Variants in GPI observed in about 807,000 individuals in gnomAD.
GPI encodes the protein glucose-6-phosphate isomerase, also known as D-hexose-6-phosphate anomerase.
A neutral mutation model predicts 75.8 loss-of-function variants in GPI; 56 were observed. The observed-to-expected ratio is 0.74, with a 90% CI of 0.60 to 0.92. GPI has a LOEUF of 0.92. GPI is among the 40% of genes least tolerant of loss of function. The pLI, the probability that GPI is intolerant of heterozygous loss-of-function variation, is 0.00. For missense variants in GPI, 638 were observed against 741.0 expected, an observed-to-expected ratio of 0.86 and a Z score of 1.61; for synonymous variants, 288 against 285.4, an observed-to-expected ratio of 1.01 and a Z score of -0.09.
At chr19:34,366,114 G>C (rs1482054619) in intron 1 of GPI, 9 of 693,384 alleles carry the variant, frequency 1.3e-5, no homozygotes, top group Non-Finnish European at 2.1e-5. Flanking sequence ...TCCTCATCCA[G>C]GGTCTGCCTG....
intron 9 of GPI, among the ~76,000 whole-genome samples, chr19:34,388,966 G>A (rs1297262627): frequency 1.3e-5 from 2 of 151,980 alleles, no homozygotes; most frequent in African/African-American, 2.4e-5. Context: ...GGTGGTGTGT[G>A]CCTGTAGTCC....
Position 34,400,491 on chromosome 19 carries a change from G to A in GPI, c.*455G>A. 1.9e-6 allele frequency: 1 copy of A among 516,936 alleles called. No homozygotes were observed. The highest frequency in any genetic ancestry group is 3.4e-6 in the Non-Finnish European group (1 of 296,480). The allele number at this position is 516,936 out of a possible 1,614,324, so 32.0% of individuals were successfully genotyped here. ...AAGGTGCCCTGAGAAGACAATAGTGGGGTGGGGGCACAATCAGTCAGGACG... is the reference window on the plus strand; with the variant it reads ...AAGGTGCCCTGAGAAGACAATAGTGAGGTGGGGGCACAATCAGTCAGGACG... On this transcript the variant is annotated 3_prime_UTR_variant, in exon 18 of 18. Coordinates refer to ENST00000356487, the MANE Select transcript of GPI (RefSeq NM_000175.5).
In GPI at chr19:34,365,589, G is replaced by C. The variant is rs957171520; in HGVS notation, c.122+201G>C. ...GTTCCTGGGGGCTTGCAGCCTCGCC[G>C]GGAGTCTCGGCCCCGGGTCTGCTTC... On this transcript the variant is annotated intron_variant, in intron 1 of 17. Transcript: ENST00000356487. 12 of 887,048 alleles carry C rather than the reference G, an allele frequency of 1.4e-5. 1 individual carries two copies. In the South Asian group the frequency reaches 1.7e-4, roughly 13 times the overall value. 54.9% of individuals were successfully genotyped at this position (887,048 alleles called of 1,614,324 possible).
rs933929931 is a variant in GPI, at chr19:34,400,286, G to A, written c.*250G>A. 6 of 603,470 alleles carry A rather than the reference G, an allele frequency of 9.9e-6. No homozygotes were observed. The highest frequency in any genetic ancestry group is 2.8e-5 in the East Asian group (1 of 36,074). 37.4% of individuals were successfully genotyped at this position (603,470 alleles called of 1,614,324 possible). On this transcript the variant is annotated 3_prime_UTR_variant, in exon 18 of 18. Coordinates refer to ENST00000356487, the MANE Select transcript of GPI (RefSeq NM_000175.5). Reference sequence around the variant, plus strand: ...GCTGACTTTTCTGACCCATGTTCACGTTGTTCACATCCCATGTAGAAAAAT... The same window carrying A: ...GCTGACTTTTCTGACCCATGTTCACATTGTTCACATCCCATGTAGAAAAAT...
chr19:34,396,041 C>T (rs996074202), intron 12 of GPI, among the ~76,000 whole-genome samples: 6 of 150,776 alleles, frequency 4.0e-5, no homozygotes, highest in Non-Finnish European at 7.4e-5. Flanking sequence ...CGGGTTCAAG[C>T]GATTCTCCTG....
In GPI at chr19:34,396,632, C is replaced by G; in HGVS notation, c.1244C>G (p.Pro415Arg). Residue 415 changes from proline to arginine, a missense_variant, in exon 14 of 18, where the codon CCC (proline) becomes CGC (arginine). Physicochemically the swap from Pro to Arg is moderately radical, Grantham distance 103 (BLOSUM62 -2). Transcript: ENST00000356487. ...CTCATCCCGGTCCAGACCCAGCACC[C>G]CATACGGAAGGGTCTGCATCACAAG... ...DFLIPVQTQHPIRKGLHHKIL... is the reference protein window; with the variant it reads ...DFLIPVQTQHRIRKGLHHKIL... The G allele has an allele frequency of 3.1e-6, 5 of 1,614,166 alleles. No individual in the cohort carries two copies. The highest frequency in any genetic ancestry group is 4.2e-6 in the Non-Finnish European group (5 of 1,179,994).
intron 3 of GPI, among the ~76,000 whole-genome samples, chr19:34,368,196 C>T (rs1172519540): frequency 6.6e-6 from 1 of 152,242 alleles, no homozygotes. Context: ...TCCGGGATTA[C>T]AGGCGTGAGC....
At position 34,378,971 on chromosome 19, in the gene GPI, C is replaced by T. The variant is rs61754634; in HGVS notation, c.671C>T (p.Thr224Met). The T allele has an allele frequency of 1.1e-5, 18 of 1,614,164 alleles. No homozygotes were observed. Among genetic ancestry groups the T allele is most frequent in the African/African-American group, 9.3e-5 (7 of 75,038 alleles). The change falls in exon 7 of 18, where the codon ACG (threonine) becomes ATG (methionine). Residue 224 changes from threonine to methionine, a missense_variant. Coordinates refer to ENST00000356487, the MANE Select transcript of GPI (RefSeq NM_000175.5). Reference sequence around the variant, plus strand: ...CAGGAGACCATCACGAATGCAGAGACGGCGAAGGAGTGGTTTCTCCAGGCG... The same window carrying T: ...CAGGAGACCATCACGAATGCAGAGATGGCGAAGGAGTGGTTTCTCCAGGCG... ...TTQETITNAETAKEWFLQAAK... is the reference protein window; with the variant it reads ...TTQETITNAEMAKEWFLQAAK...
chr19:34,387,337 TA>T (rs1239227301), intron 9 of GPI, among the ~76,000 whole-genome samples: 4 of 152,142 alleles, frequency 2.6e-5, no homozygotes, highest in African/African-American at 9.7e-5. Context: ...TCAGTGCTGG[TA>T]TGTTTACCTG....
At position 34,392,939 on chromosome 19, in the gene GPI, G is replaced by A. The variant is rs1176235316; in HGVS notation, c.805-309G>A. 4 of 443,496 alleles carry A rather than the reference G, an allele frequency of 9.0e-6. No homozygotes were observed. In the Admixed American group the frequency reaches 1.0e-4, roughly 12 times the overall value. 27.5% of individuals were successfully genotyped at this position (443,496 alleles called of 1,614,324 possible). ...AGGCCCTGGGTGTGTCCGTGTCTGA[G>A]GAGGTGGGCCCTGGCACAGGTATGA... On this transcript the variant is annotated intron_variant, in intron 9 of 17. Coordinates refer to ENST00000356487, the MANE Select transcript of GPI (RefSeq NM_000175.5).
chr19:34,379,923 A>T (rs1306338952), intron 8 of GPI: 3 of 351,624 alleles, frequency 8.5e-6, no homozygotes, highest in Non-Finnish European at 1.6e-5. Context: ...TCCATTTTTC[A>T]CTTAAGGACA....
intron 8 of GPI, chr19:34,379,990 G>GTTTTTTTTTTTTTTTTTT (rs953154032): frequency 9.8e-6 from 1 of 102,004 alleles, no homozygotes; most frequent in Admixed American, 1.0e-4. Context: ...GTGTGGTTTT[G>GTTTTTTTTTTTTTTTTTT]TTTTTTTTTT....
intron 4 of GPI, among the ~76,000 whole-genome samples, chr19:34,374,984 T>A (rs192865106): frequency 6.6e-6 from 1 of 152,152 alleles, no homozygotes; most frequent in Admixed American, 6.6e-5. Flanking sequence ...TGCCTCAGTT[T>A]CCCAGTAAGT....
chr19:34,366,836 G>A lies in GPI; in HGVS notation c.267G>A (p.Lys89=). 2 of 1,613,210 alleles carry A rather than the reference G, an allele frequency of 1.2e-6. No individual in the cohort carries two copies. The highest frequency in any genetic ancestry group is 1.7e-6 in the Non-Finnish European group (2 of 1,179,212). The part of the protein sequence containing the change: ...AARERMFNGE[K]INYTEGRAVL... Reference sequence around the variant, plus strand: ...GGGAGCGGATGTTCAATGGTGAGAAGATCAACTACACCGAGGTGAGCAGGC... The same window carrying A: ...GGGAGCGGATGTTCAATGGTGAGAAAATCAACTACACCGAGGTGAGCAGGC... Residue 89 remains lysine, a synonymous_variant, in exon 3 of 18, where the codon AAG becomes AAA. Transcript: ENST00000356487.
intron 4 of GPI, 45 bp downstream of exon 4, chr19:34,368,747 G>A (rs1441281314): frequency 6.2e-7 from 1 of 1,613,058 alleles, no homozygotes; most frequent in Non-Finnish European, 8.5e-7. Flanking sequence ...GTGTGTGTGA[G>A]TTATTTGGGA....
intron 4 of GPI, among the ~76,000 whole-genome samples, 157 bp from the exon 5 acceptor site, chr19:34,377,332 AAAAAATATATATAT>A (rs2074557854): frequency 1.6e-5 from 1 of 62,870 alleles, no homozygotes; most frequent in Non-Finnish European, 2.6e-5. Context: ...AAAAAAAAAA[AAAAAATATATATAT>A]ATATATATAT....
chr19:34,367,832 G>C (rs931790343), intron 3 of GPI, among the ~76,000 whole-genome samples: 1 of 152,218 alleles, frequency 6.6e-6, no homozygotes, highest in East Asian at 1.9e-4. Context: ...TGAGGACACT[G>C]CCTAAAACGT....
rs536687783 is a variant in GPI, at chr19:34,377,775, C to T, written c.527C>T (p.Ser176Leu). ...ACTGAAGCCCTTAAGCCATACTCTT[C>T]AGGAGGTCCCCGCGTCTGGTATGTC... ...MVTEALKPYS[S>L]GGPRVWYVSN... Residue 176 changes from serine to leucine, a missense_variant, in exon 6 of 18, where the codon TCA becomes TTA. Transcript: ENST00000356487. 1.1e-5 allele frequency: 18 copies of T among 1,613,874 alleles called. No homozygotes were observed. The highest frequency in any genetic ancestry group is 1.4e-5 in the Non-Finnish European group (17 of 1,179,752).
intron 9 of GPI, chr19:34,381,741 A>G: frequency 4.8e-6 from 3 of 619,674 alleles, no homozygotes; most frequent in Non-Finnish European, 8.7e-6. Flanking sequence ...GCAGGGCCAC[A>G]TGACACTCCC....
Sources: allele counts gnomAD v4.1 joint callset (sites outside exome capture counted in the v4.1 genomes callset), GRCh38; gene constraint gnomAD v4.1.1; transcripts MANE v1.5; gene names NCBI Gene and HGNC (gene_info 2026-07-23, HGNC 2026-07-21).